The following DSCAM variants were observed in gnomAD, a reference collection of about 807,000 sequenced individuals.
DSCAM encodes DS cell adhesion molecule.
Under a neutral mutation model 217.7 loss-of-function variants are expected in DSCAM, and 47 were observed. The ratio of observed to expected loss-of-function variants is 0.22; its 90% confidence interval spans 0.17 to 0.28. The LOEUF is 0.28. Ranked by LOEUF, DSCAM falls within the 10% of genes least tolerant of loss-of-function variation. DSCAM has a pLI of 1.00. For missense variants in DSCAM, 2,080 were observed against 2,618.3 expected, an observed-to-expected ratio of 0.79 and a Z score of 4.49; for synonymous variants, 1,056 against 1,015.3, an observed-to-expected ratio of 1.04 and a Z score of -0.76.
chr21:40,424,165 ATTTCT>A (rs1328383867), intron 3 of DSCAM, among the ~76,000 whole-genome samples: 1 of 152,162 alleles, frequency 6.6e-6, no homozygotes, highest in Non-Finnish European at 1.5e-5. Context: ...TTTAAAACAG[ATTTCT>A]TTTATTTTCT....
intron 11 of DSCAM, among the ~76,000 whole-genome samples, chr21:40,208,265 C>G (rs978167507): frequency 6.6e-6 from 1 of 152,040 alleles, no homozygotes; most frequent in African/African-American, 2.4e-5. Flanking sequence ...CTAGCCTGGC[C>G]AACATGGTGA....
chr21:40,284,338 C>T (rs1269995680), intron 10 of DSCAM, among the ~76,000 whole-genome samples: 2 of 152,128 alleles, frequency 1.3e-5, no homozygotes, highest in African/African-American at 4.8e-5. Flanking sequence ...AAGAAGCTTC[C>T]ACCACTGTGC....
At chr21:40,678,227 T>C (rs1382366726) in intron 3 of DSCAM, among the ~76,000 whole-genome samples, 2 of 152,178 alleles carry the variant, frequency 1.3e-5, no homozygotes, top group Non-Finnish European at 2.9e-5. Context: ...TTTCTATCTC[T>C]TTTGTGTCTT....
chr21:40,028,434 C>G (rs1021747594), intron 32 of DSCAM, among the ~76,000 whole-genome samples: 2 of 151,744 alleles, frequency 1.3e-5, no homozygotes, highest in East Asian at 3.9e-4. Flanking sequence ...AATGGCGGGC[C>G]CCCCTCCCCC....
intron 18 of DSCAM, among the ~76,000 whole-genome samples, chr21:40,141,811 G>A (rs898635969): frequency 1.3e-5 from 2 of 152,106 alleles, no homozygotes; most frequent in Admixed American, 6.5e-5. Flanking sequence ...GCACACTCAC[G>A]CAGCCCGGCC....
intron 3 of DSCAM, among the ~76,000 whole-genome samples, chr21:40,536,821 A>C (rs777393505): frequency 6.6e-6 from 1 of 152,218 alleles, no homozygotes; most frequent in Non-Finnish European, 1.5e-5. Context: ...AGGACACAGA[A>C]AATTTTGGCA....
At chr21:40,823,276 CAA>C (rs1434096653) in intron 1 of DSCAM, among the ~76,000 whole-genome samples, 1 of 148,990 alleles carries the variant, frequency 6.7e-6, no homozygotes, top group African/African-American at 2.5e-5. Context: ...ACAAGGAGGC[CAA>C]AAACAGATAA....
In DSCAM at chr21:40,016,616, CATCCAGCCCCTTT is replaced by C. The variant is rs2088163070; in HGVS notation, c.5687-3243_5687-3231del. ...TAACAATAATTAATTGAGCCTTCCTCATCCAGCCCCTTTGGACCCATAGGCCCCGAAGGTGCAG... is the reference window on the plus strand; with the variant it reads ...TAACAATAATTAATTGAGCCTTCCTCGGACCCATAGGCCCCGAAGGTGCAG... On this transcript the variant is annotated intron_variant, in intron 32 of 32. Transcript: ENST00000400454. The surrounding 1 kb of genome is among the most constrained non-coding windows in gnomAD (Gnocchi z 4.3). Among the ~76,000 whole-genome samples, 1 of 152,194 alleles carries C rather than the reference CATCCAGCCCCTTT, an allele frequency of 6.6e-6. No individual in the cohort carries two copies. Among genetic ancestry groups the C allele is most frequent in the Non-Finnish European group, 1.5e-5 (1 of 68,034 alleles).
intron 16 of DSCAM, among the ~76,000 whole-genome samples, chr21:40,146,248 C>T (rs2090355433): frequency 1.5e-5 from 2 of 132,900 alleles, no homozygotes; most frequent in South Asian, 5.0e-4. Flanking sequence ...ACTCAGAGCC[C>T]AGGTGGGCTT....
chr21:40,709,509 G>A (rs1185747811), intron 1 of DSCAM, among the ~76,000 whole-genome samples: 2 of 151,960 alleles, frequency 1.3e-5, no homozygotes, highest in Non-Finnish European at 2.9e-5. Flanking sequence ...ACCCCAACAG[G>A]CCCCGGTGTG....
At chr21:40,802,844 C>A (rs535342848) in intron 1 of DSCAM, among the ~76,000 whole-genome samples, 142 of 152,300 alleles carry the variant, frequency 9.3e-4, no homozygotes, top group African/African-American at 3.3e-3. Flanking sequence ...TATTCCTTTT[C>A]TTTATAAATT....
intron 3 of DSCAM, among the ~76,000 whole-genome samples, chr21:40,616,938 ACCCGGGAGGCGGAGCTTGCAGTGAG>A (rs1490319595): frequency 1.4e-5 from 2 of 139,078 alleles, no homozygotes; most frequent in African/African-American, 2.7e-5. Context: ...AGTGGCGTGA[ACCCGGGAGGCGGAGCTTGCAGTGAG>A]CCGAGATCCC....
chr21:40,805,640 C>G (rs1015665174), intron 1 of DSCAM, among the ~76,000 whole-genome samples: 4 of 151,952 alleles, frequency 2.6e-5, no homozygotes, highest in African/African-American at 9.7e-5. Flanking sequence ...TACCATCTAG[C>G]CTGTTGTCCT....
chr21:40,082,694 T>C (rs1209001060), intron 24 of DSCAM, among the ~76,000 whole-genome samples: 1 of 85,656 alleles, frequency 1.2e-5, no homozygotes, highest in African/African-American at 4.7e-5. Context: ...TTTTCTTTCC[T>C]AAAAGAAAAA....
chr21:40,712,379 C>T (rs980810977), intron 1 of DSCAM, among the ~76,000 whole-genome samples: 3 of 143,678 alleles, frequency 2.1e-5, no homozygotes, highest in Non-Finnish European at 3.0e-5. Context: ...AGGAGAATGG[C>T]GTGAACCCGG....
At chr21:40,110,081 G>T (rs941240982) in intron 20 of DSCAM, among the ~76,000 whole-genome samples, 1 of 152,172 alleles carries the variant, frequency 6.6e-6, no homozygotes, top group African/African-American at 2.4e-5. Flanking sequence ...GGTTCCCCTA[G>T]CATGCAGCTG....
intron 3 of DSCAM, among the ~76,000 whole-genome samples, chr21:40,458,711 G>A (rs2075782565): frequency 6.6e-6 from 1 of 151,886 alleles, no homozygotes; most frequent in Non-Finnish European, 1.5e-5. Flanking sequence ...AACATAGTTA[G>A]ATCTATTTGT....
intron 3 of DSCAM, among the ~76,000 whole-genome samples, chr21:40,394,172 T>C (rs559948853): frequency 4.7e-4 from 72 of 152,364 alleles, no homozygotes; most frequent in Non-Finnish European, 8.7e-4. Flanking sequence ...TTCACACTTA[T>C]CTACTTCACC....
chr21:40,535,161 C>A (rs545851799), intron 3 of DSCAM, among the ~76,000 whole-genome samples: 7 of 152,294 alleles, frequency 4.6e-5, no homozygotes, highest in African/African-American at 1.7e-4. Context: ...GATACAATGA[C>A]ACTCTCTATC....
Sources: gnomAD v4.1 joint callset for allele counts (sites outside exome capture counted in the v4.1 genomes callset) on GRCh38, gnomAD v4.1.1 for gene constraint, Gnocchi (gnomAD v3.1) non-coding constraint, MANE v1.5 for transcripts, NCBI Gene and HGNC (gene_info 2026-07-23, HGNC 2026-07-21) for gene names.